CLCA1: variants seen among roughly 807,000 people sequenced by gnomAD.
CLCA1 encodes calcium-activated chloride channel regulator 1.
Under a neutral mutation model 85.6 loss-of-function variants are expected in CLCA1, and 59 were observed. That is an observed-to-expected ratio of 0.69 (90% CI 0.56 to 0.86). The LOEUF (loss-of-function observed/expected upper bound fraction) is 0.86. Among genes scored for constraint, CLCA1 ranks in the 40% least tolerant of loss-of-function variants. CLCA1 has a pLI of 0.00. For synonymous variants in CLCA1, 396 were observed against 398.3 expected (o/e 0.99, Z 0.07); for missense variants, 1,022 against 1,101.4 (o/e 0.93, Z 1.02).
chr1:86,484,887 A>G (rs1314717065), intron 5 of CLCA1, among the ~76,000 whole-genome samples: 1 of 152,128 alleles, frequency 6.6e-6, no homozygotes, highest in East Asian at 1.9e-4. Flanking sequence ...GTGGAGTTTG[A>G]GGCGCATGTG....
chr1:86,496,170 A>T (rs1287369876), intron 12 of CLCA1, among the ~76,000 whole-genome samples: 1 of 152,256 alleles, frequency 6.6e-6, no homozygotes, highest in Non-Finnish European at 1.5e-5. Flanking sequence ...GTTACTGGTA[A>T]ATAGTGTTTA....
intron 1 of CLCA1, among the ~76,000 whole-genome samples, chr1:86,472,682 T>G (rs534028035): frequency 3.9e-5 from 6 of 152,306 alleles, no homozygotes; most frequent in Admixed American, 3.3e-4. Flanking sequence ...AGGTGTAATT[T>G]GAAAATATAT....
chr1:86,498,865 A>G, intron 13 of CLCA1, 54 bp downstream of exon 13: 1 of 1,567,128 alleles, frequency 6.4e-7, no homozygotes, highest in South Asian at 1.2e-5. Context: ...CAAGTAGAAG[A>G]GCAGAAGCGG....
chr1:86,482,925 G>C (rs1193979449), intron 5 of CLCA1, among the ~76,000 whole-genome samples: 1 of 152,074 alleles, frequency 6.6e-6, no homozygotes, highest in East Asian at 1.9e-4. Flanking sequence ...AAATGAACTT[G>C]GCCAGTTATT....
Position 86,476,509 on chromosome 1 carries a change from T to C in CLCA1, c.513T>C (p.Asn171=), listed in dbSNP as rs1333046574. The C allele has an allele frequency of 6.2e-7, 1 of 1,601,716 alleles. No homozygotes were observed. The highest frequency in any genetic ancestry group is 1.1e-5 in the South Asian group (1 of 90,736). The change falls in exon 4 of 14, where the codon AAT becomes AAC. Residue 171 remains asparagine (N), a synonymous_variant. Transcript: ENST00000394711. ...LRWGVFDEYN[N]DEKFYLSNGR... ...GGGGAGTATTTGACGAGTACAATAATGATGAGAAATTCTACTTATCCAATG... is the reference window on the plus strand; with the variant it reads ...GGGGAGTATTTGACGAGTACAATAACGATGAGAAATTCTACTTATCCAATG...
chr1:86,475,523 A>G (rs924867872), intron 3 of CLCA1, among the ~76,000 whole-genome samples: 1 of 152,202 alleles, frequency 6.6e-6, no homozygotes. Flanking sequence ...GGAGACTGGC[A>G]AGTAAGTAGC....
chr1:86,493,354 C>T, intron 9 of CLCA1, 30 bp from the exon 10 acceptor site: 1 of 1,563,986 alleles, frequency 6.4e-7, no homozygotes, highest in Non-Finnish European at 8.8e-7. Context: ...GCTGTATTCT[C>T]CAGAAAGTAA....
chr1:86,469,118 C>T lies in CLCA1; in HGVS notation c.147C>T (p.Leu49=). 1.2e-6 allele frequency: 2 copies of T among 1,604,034 alleles called. No individual in the cohort carries two copies. The highest frequency in any genetic ancestry group is 1.7e-6 in the Non-Finnish European group (2 of 1,174,246). The change falls in exon 1 of 14, where the codon CTC becomes CTT. Residue 49 remains leucine (L), a synonymous_variant. Coordinates refer to ENST00000394711, the MANE Select transcript of CLCA1 (RefSeq NM_001285.4). ...IDPNVPEDET[L]IQQIKDMVTQ... is the part of the protein sequence containing the mutation. Reference sequence around the variant, plus strand: ...CCAATGTGCCAGAAGATGAAACACTCATTCAACAAATAAAGGTAAGTTCAT... The same window carrying T: ...CCAATGTGCCAGAAGATGAAACACTTATTCAACAAATAAAGGTAAGTTCAT...
intron 1 of CLCA1, among the ~76,000 whole-genome samples, chr1:86,472,336 C>T (rs759895102): frequency 5.9e-5 from 9 of 152,130 alleles, no homozygotes; most frequent in Non-Finnish European, 1.0e-4. Flanking sequence ...CCGATGATCA[C>T]GCCCTCCTCC....
intron 8 of CLCA1, among the ~76,000 whole-genome samples, chr1:86,490,627 T>G (rs561011471): frequency 6.6e-6 from 1 of 152,172 alleles, no homozygotes; most frequent in South Asian, 2.1e-4. Context: ...CATGTAAAAG[T>G]GCAGGACCTT....
chr1:86,497,669 A>C (rs1648329410), intron 12 of CLCA1, among the ~76,000 whole-genome samples: 1 of 152,212 alleles, frequency 6.6e-6, no homozygotes, highest in African/African-American at 2.4e-5. Flanking sequence ...TTTATTAAAA[A>C]CTGAAATTTA....
intron 4 of CLCA1, among the ~76,000 whole-genome samples, chr1:86,480,245 GA>G (rs1371206960): frequency 6.6e-6 from 1 of 151,566 alleles, no homozygotes; most frequent in African/African-American, 2.4e-5. Context: ...AAATAAAAAG[GA>G]AAAAACAGAA....
chr1:86,476,970 T>A (rs1361802166), intron 4 of CLCA1, among the ~76,000 whole-genome samples: 1 of 152,196 alleles, frequency 6.6e-6, no homozygotes, highest in Admixed American at 6.5e-5. Context: ...AGCGCAGTGA[T>A]GCAATCACAG....
At chr1:86,486,039 AGAGT>A (rs139661463) in intron 6 of CLCA1, among the ~76,000 whole-genome samples, 1 of 146,094 alleles carries the variant, frequency 6.8e-6, no homozygotes, top group Non-Finnish European at 1.5e-5. Flanking sequence ...AGAGAGAGAG[AGAGT>A]GCGCAATGTG....
At position 86,486,526 on chromosome 1, in the gene CLCA1, A is replaced by G; in HGVS notation, c.955A>G (p.Thr319Ala). ...GTTTTTCTTTTGCTTCTCCATTTAG[A>G]CTGGTAACCGCCTCAATCGACTGAA... ...LVLDKSGSMA[T>A]GNRLNRLNQA... Residue 319 changes from threonine (T) to alanine (A), a missense_variant and splice_region_variant, in exon 7 of 14, where the codon ACT (threonine) becomes GCT (alanine). By Grantham distance (58) the Thr-to-Ala change is moderately conservative. Transcript: ENST00000394711. 2.5e-6 allele frequency: 4 copies of G among 1,613,758 alleles called. No individual in the cohort carries two copies. Among genetic ancestry groups the G allele is most frequent in the Non-Finnish European group, 3.4e-6 (4 of 1,179,862 alleles).
chr1:86,480,237 A>G lies in CLCA1; in HGVS notation c.558-1968A>G, dbSNP rs5744345. ...TGCACACAAACCAAACATAAACTAA[A>G]TAAAAAGGAAAAAACAGAAAAAGAT... is the stretch of plus-strand genomic sequence containing the variant. On this transcript the variant is annotated intron_variant, in intron 4 of 13. Coordinates refer to ENST00000394711, the MANE Select transcript of CLCA1 (RefSeq NM_001285.4). Among the ~76,000 whole-genome samples the G allele has an allele frequency of 4.6e-3, 702 of 152,286 alleles. 3 individuals carry two copies. The highest frequency in any genetic ancestry group is 0.016 in the African/African-American group (652 of 41,578).
rs1263133895 is a variant in CLCA1 at position 86,473,399 on chromosome 1, T to C, written c.163-18T>C. 2 of 1,515,834 alleles carry C rather than the reference T, an allele frequency of 1.3e-6. No homozygotes were observed. The highest frequency in any genetic ancestry group is 1.3e-5 in the South Asian group (1 of 79,568). The allele number at this position is 1,515,834 out of a possible 1,614,324, so 93.9% of individuals were successfully genotyped here. A position where few individuals can be genotyped will look rare whatever the true frequency, so the allele number is the denominator to read the frequency against. On this transcript the variant is annotated intron_variant, in intron 1 of 13. Transcript: ENST00000394711. The stretch of plus-strand genomic sequence containing the variant: ...TATTTTCAGTCAATTGTTACGTATG[T>C]TTTCTTTTTCTTCCCAGGACATGGT...
intron 4 of CLCA1, among the ~76,000 whole-genome samples, chr1:86,480,945 A>G (rs942382454): frequency 2.0e-5 from 3 of 152,222 alleles, no homozygotes; most frequent in African/African-American, 7.2e-5. Context: ...TTTTGGATAT[A>G]GTAATTACTC....
chr1:86,490,913 A>T lies in CLCA1; in HGVS notation c.1358-352A>T, dbSNP rs201050453. ...AAACCCATCTCTAAAAAAAAAAAAA[A>T]AAAAAAAAATACAAAAATTAGACAT... On this transcript the variant is annotated intron_variant, in intron 8 of 13. Transcript: ENST00000394711. Among the ~76,000 whole-genome samples, 229 of 147,378 alleles carry T rather than the reference A, an allele frequency of 1.6e-3. 1 individual carries two copies. The highest frequency in any genetic ancestry group is 2.3e-3 in the South Asian group (11 of 4,688).
Sources: gnomAD v4.1 joint callset for allele counts (sites outside exome capture counted in the v4.1 genomes callset) on GRCh38, gnomAD v4.1.1 for gene constraint, MANE v1.5 for transcripts, NCBI Gene and HGNC (gene_info 2026-07-23, HGNC 2026-07-21) for gene names.